Variants in DDX60L observed in about 807,000 individuals in gnomAD.
DDX60L encodes probable ATP-dependent RNA helicase DDX60-like.
In DDX60L, 191 loss-of-function variants were observed where a neutral mutation model predicts 211.6. The ratio of observed to expected loss-of-function variants is 0.90; its 90% CI spans 0.80 to 1.02. The LOEUF (loss-of-function observed/expected upper bound fraction) is 1.02, where lower values mean the gene tolerates loss of function less well. Ranked by LOEUF, DDX60L falls within the 50% of genes least tolerant of loss-of-function variation. DDX60L has a pLI of 0.00. For synonymous variants in DDX60L, 706 were observed against 694.1 expected (o/e 1.02, Z -0.27); for missense variants, 2,007 against 1,984.1 (o/e 1.01, Z -0.22).
At chr4:168,436,958 A>G (rs111598537) in intron 10 of DDX60L, among the ~76,000 whole-genome samples, 29 of 152,316 alleles carry the variant, frequency 1.9e-4, no homozygotes, top group Middle Eastern at 3.4e-3. Context: ...TTGGGCTGCT[A>G]CTACTCAATG....
At chr4:168,408,508 T>G (rs1748136245) in intron 22 of DDX60L, among the ~76,000 whole-genome samples, 1 of 152,092 alleles carries the variant, frequency 6.6e-6, no homozygotes, top group Non-Finnish European at 1.5e-5. Flanking sequence ...AGATAATACA[T>G]AAAATTATAT....
chr4:168,477,905 G>A (rs1311016260), intron 1 of DDX60L, among the ~76,000 whole-genome samples: 1 of 152,156 alleles, frequency 6.6e-6, no homozygotes, highest in Non-Finnish European at 1.5e-5. Flanking sequence ...TCTTAAGAAG[G>A]AACTGGGTGG....
At chr4:168,452,592 C>A (rs1412454649) in intron 8 of DDX60L, among the ~76,000 whole-genome samples, 1 of 151,750 alleles carries the variant, frequency 6.6e-6, no homozygotes, top group African/African-American at 2.4e-5. Flanking sequence ...ATTATGCTAA[C>A]CAAAAGTGAA....
intron 37 of DDX60L, among the ~76,000 whole-genome samples, chr4:168,360,715 G>C (rs1449056362): frequency 6.6e-6 from 1 of 152,244 alleles, no homozygotes; most frequent in Non-Finnish European, 1.5e-5. Context: ...GGAGCTGCCA[G>C]AGTCTGGGAA....
chr4:168,446,443 T>C (rs1190859641), intron 9 of DDX60L, among the ~76,000 whole-genome samples: 2 of 152,188 alleles, frequency 1.3e-5, no homozygotes, highest in East Asian at 1.9e-4. Flanking sequence ...ATTGTGAAAA[T>C]GGCCATACTG....
intron 34 of DDX60L, among the ~76,000 whole-genome samples, chr4:168,374,322 A>C (rs1055921921): frequency 6.6e-6 from 1 of 152,130 alleles, no homozygotes; most frequent in African/African-American, 2.4e-5. Context: ...ACAAATCTTG[A>C]GTAGCTACAA....
intron 22 of DDX60L, among the ~76,000 whole-genome samples, chr4:168,412,148 C>G (rs1299498526): frequency 6.6e-6 from 1 of 151,842 alleles, no homozygotes; most frequent in Non-Finnish European, 1.5e-5. Flanking sequence ...AGATATGACC[C>G]AGCACCTTCC....
At chr4:168,362,751 T>G (rs906667755) in intron 36 of DDX60L, among the ~76,000 whole-genome samples, 1 of 152,208 alleles carries the variant, frequency 6.6e-6, no homozygotes, top group Non-Finnish European at 1.5e-5. Flanking sequence ...ATTTGAAGAC[T>G]GGTCTTTTGA....
chr4:168,422,489 A>C, intron 16 of DDX60L, 35 bp downstream of exon 16: 1 of 1,576,746 alleles, frequency 6.3e-7, no homozygotes, highest in Non-Finnish European at 8.6e-7. Flanking sequence ...CTGAAGTCAC[A>C]CTGATTAGAA....
Position 168,471,940 on chromosome 4 carries a change from A to AAATAAAAATCAAAGAG in DDX60L, c.75-20_75-5dup. 5 of 1,575,986 alleles carry AAATAAAAATCAAAGAG rather than the reference A, an allele frequency of 3.2e-6. No individual in the cohort carries two copies. Among genetic ancestry groups the AAATAAAAATCAAAGAG allele is most frequent in the Non-Finnish European group, 4.3e-6 (5 of 1,159,770 alleles). Reference sequence around the variant, plus strand: ...ATCATTTAATATGCTGGAATACCTAAAATAAAAATCAAAGAGAATAAAAAT... The same window carrying AAATAAAAATCAAAGAG: ...ATCATTTAATATGCTGGAATACCTAAAATAAAAATCAAAGAGAATAAAAATCAAAGAGAATAAAAAT... On this transcript the variant is annotated splice_region_variant and splice_polypyrimidine_tract_variant and intron_variant, in intron 3 of 37. Coordinates refer to ENST00000682922, the MANE Select transcript of DDX60L (RefSeq NM_001012967.3).
At chr4:168,372,501 G>A (rs1211675308) in intron 35 of DDX60L, among the ~76,000 whole-genome samples, 1 of 151,922 alleles carries the variant, frequency 6.6e-6, no homozygotes, top group Non-Finnish European at 1.5e-5. Flanking sequence ...TGAGGTGGGT[G>A]GATTGCTTGG....
intron 30 of DDX60L, among the ~76,000 whole-genome samples, chr4:168,384,249 A>G (rs1365193616): frequency 6.6e-6 from 1 of 152,156 alleles, no homozygotes; most frequent in East Asian, 1.9e-4. Flanking sequence ...GAACCCTAAT[A>G]CAGTGGGTGG....
intron 17 of DDX60L, among the ~76,000 whole-genome samples, chr4:168,420,666 TAGATAGATAGATAGATAGAC>T (rs1750438572): frequency 4.3e-5 from 6 of 139,970 alleles, no homozygotes; most frequent in Middle Eastern, 3.5e-3. Context: ...GATAGATAGA[TAGATAGATAGATAGATAGAC>T]AGACAGACAG....
At chr4:168,436,350 C>T (rs550321478) in intron 10 of DDX60L, among the ~76,000 whole-genome samples, 10 of 152,356 alleles carry the variant, frequency 6.6e-5, no homozygotes, top group African/African-American at 2.4e-4. Context: ...CTTGGACTTA[C>T]AGAACCCGTA....
intron 6 of DDX60L, among the ~76,000 whole-genome samples, chr4:168,456,859 A>C (rs1012898000): frequency 6.6e-6 from 1 of 152,208 alleles, no homozygotes; most frequent in Admixed American, 6.5e-5. Flanking sequence ...TACTACATTT[A>C]TGAAAAATTC....
At chr4:168,469,952 T>C (rs12503013) in intron 4 of DDX60L, 43,532 of 152,104 alleles carry the variant, frequency 0.29, 7,914 homozygotes, top group East Asian at 0.62. Context: ...GTATACAGAA[T>C]ATATCAAGAA....
chr4:168,384,942 A>C, intron 29 of DDX60L, 130 bp from the exon 30 acceptor site: 1 of 917,854 alleles, frequency 1.1e-6, no homozygotes, highest in Non-Finnish European at 1.7e-6. Flanking sequence ...AAACTAATCT[A>C]TGTTAACATG....
In DDX60L at chr4:168,394,491, T is replaced by C. The variant is rs371559595; in HGVS notation, c.3784A>G (p.Ile1262Val). 1 of 1,608,696 alleles carries C rather than the reference T, an allele frequency of 6.2e-7. No homozygotes were observed. The highest frequency in any genetic ancestry group is 1.3e-5 in the African/African-American group (1 of 74,754). ...CTAATAAGCCCTTTTACAAAGAGTA[T>C]CTCAACAAACTCTTTTTCTTTAAAA... is the stretch of plus-strand genomic sequence containing the variant. Reference protein sequence around the residue: ...MYFKEKEFVEILFVKGLIRVV... With the variant: ...MYFKEKEFVEVLFVKGLIRVV... The change falls in exon 28 of 38, where the codon ATA (isoleucine) becomes GTA (valine). Residue 1262 changes from isoleucine (I) to valine (V), a missense_variant. Physicochemically the swap from Ile to Val is conservative, Grantham distance 29 (BLOSUM62 3). Transcript: ENST00000682922.
chr4:168,377,193 G>A (rs1447256348), intron 33 of DDX60L, among the ~76,000 whole-genome samples: 22 of 152,108 alleles, frequency 1.4e-4, no homozygotes, highest in Non-Finnish European at 1.5e-5. Flanking sequence ...TTGGGAGGCT[G>A]AGGCAGGAGA....
Sources: allele counts gnomAD v4.1 joint callset (sites outside exome capture counted in the v4.1 genomes callset), GRCh38; gene constraint gnomAD v4.1.1; transcripts MANE v1.5; gene names NCBI Gene and HGNC (gene_info 2026-07-23, HGNC 2026-07-21).